The following EPB41L4B variants were observed in gnomAD, a reference collection of about 807,000 sequenced individuals.
The protein encoded by EPB41L4B is erythrocyte membrane protein band 4.1 like 4B.
Under a neutral mutation model 112.5 loss-of-function variants are expected in EPB41L4B, and 30 were observed. The observed-to-expected ratio is 0.27, with a 90% CI of 0.20 to 0.36. The LOEUF (loss-of-function observed/expected upper bound fraction) is 0.36, where lower values mean the gene tolerates loss of function less well. Among genes scored for constraint, EPB41L4B ranks in the 10% least tolerant of loss-of-function variants. The probability of loss-of-function intolerance (pLI) is 1.00; values close to 1 mark genes in which losing one functional copy is unlikely to be tolerated. For synonymous variants in EPB41L4B, 408 were observed against 439.7 expected, an observed-to-expected ratio of 0.93 and a Z score of 0.90; for missense variants, 1,024 against 1,133.3, an observed-to-expected ratio of 0.90 and a Z score of 1.38.
chr9:109,275,341 T>A (rs571577358), intron 2 of EPB41L4B, among the ~76,000 whole-genome samples: 1 of 152,128 alleles, frequency 6.6e-6, no homozygotes, highest in Non-Finnish European at 1.5e-5. Flanking sequence ...AATAAGCCAA[T>A]AGCCAAGTGA....
At chr9:109,212,406 T>A (rs1833213793) in intron 17 of EPB41L4B, among the ~76,000 whole-genome samples, 2 of 152,128 alleles carry the variant, frequency 1.3e-5, no homozygotes, top group Admixed American at 1.3e-4. Context: ...GTTGATTGAA[T>A]GGCTATCAGA....
chr9:109,215,478 C>T (rs1291990822), intron 16 of EPB41L4B, among the ~76,000 whole-genome samples: 8 of 152,026 alleles, frequency 5.3e-5, no homozygotes, highest in African/African-American at 1.9e-4. Flanking sequence ...CAGGGTTTCA[C>T]CACGTTGGCC....
chr9:109,176,380 C>T (rs376388330), intron 25 of EPB41L4B, among the ~76,000 whole-genome samples, 171 bp downstream of exon 25: 5 of 152,132 alleles, frequency 3.3e-5, no homozygotes, highest in African/African-American at 1.2e-4. Context: ...GCTGGGATTA[C>T]AGATGAGAGC....
chr9:109,199,146 G>A (rs1322995065), intron 20 of EPB41L4B, among the ~76,000 whole-genome samples: 1 of 152,142 alleles, frequency 6.6e-6, no homozygotes, highest in Non-Finnish European at 1.5e-5. Flanking sequence ...CATGTGCCCT[G>A]GTGATTCTGG....
chr9:109,254,381 C>G (rs1373717132), intron 11 of EPB41L4B, among the ~76,000 whole-genome samples: 4 of 151,906 alleles, frequency 2.6e-5, no homozygotes, highest in Admixed American at 6.6e-5. Context: ...TGGTCTTCCC[C>G]CCACCCCGCC....
At chr9:109,191,853 G>A (rs1832470976) in intron 22 of EPB41L4B, among the ~76,000 whole-genome samples, 2 of 152,216 alleles carry the variant, frequency 1.3e-5, no homozygotes, top group Non-Finnish European at 2.9e-5. Flanking sequence ...ATGGAAGATG[G>A]CAGGAGGTGC....
At chr9:109,184,267 T>G (rs1028497679) in intron 23 of EPB41L4B, among the ~76,000 whole-genome samples, 2 of 152,238 alleles carry the variant, frequency 1.3e-5, no homozygotes, top group Admixed American at 1.3e-4. Flanking sequence ...TCACCCAGGC[T>G]GGAGTGCAGT....
chr9:109,273,006 A>G (rs941083068), intron 2 of EPB41L4B, among the ~76,000 whole-genome samples: 3 of 152,078 alleles, frequency 2.0e-5, no homozygotes, highest in South Asian at 2.1e-4. Flanking sequence ...GGACTAGCCT[A>G]AAGTGCCTTC....
At chr9:109,186,398 G>A (rs1832266254) in intron 22 of EPB41L4B, among the ~76,000 whole-genome samples, 1 of 151,846 alleles carries the variant, frequency 6.6e-6, no homozygotes, top group Non-Finnish European at 1.5e-5. Flanking sequence ...TGTTGGCCAG[G>A]CTGGTCTCAA....
intron 22 of EPB41L4B, 69 bp from the exon 23 acceptor site, chr9:109,185,674 G>A (rs1318721352): frequency 1.6e-6 from 2 of 1,232,538 alleles, no homozygotes; most frequent in South Asian, 1.4e-5. Flanking sequence ...AGAGGAGGTA[G>A]GGGAAGGGAA....
In EPB41L4B at chr9:109,268,432, T is replaced by C; in HGVS notation, c.413A>G (p.His138Arg). Residue 138 changes from histidine to arginine, a missense_variant and splice_region_variant, in exon 3 of 26, where the codon CAC becomes CGC. Physicochemically the swap from His to Arg is conservative, Grantham distance 29. Transcript: ENST00000374566. ...LQFLDSAQVAHWLDHAKPIKK... is the reference protein window; with the variant it reads ...LQFLDSAQVARWLDHAKPIKK... ...TATGGGTTTGGCATGATCCAGCCAG[T>C]GCTGAAAGAAAGAAAAAAAGTTTCT... 1 of 1,608,394 alleles carries C rather than the reference T, an allele frequency of 6.2e-7. No homozygotes were observed. Among genetic ancestry groups the C allele is most frequent in the Non-Finnish European group, 8.5e-7 (1 of 1,178,790 alleles).
intron 15 of EPB41L4B, chr9:109,240,255 T>A: frequency 1.0e-6 from 1 of 985,394 alleles, no homozygotes. Flanking sequence ...ATGCAGCACA[T>A]ACACTGAGCA....
At chr9:109,232,062 G>A (rs1014834855) in intron 15 of EPB41L4B, among the ~76,000 whole-genome samples, 2 of 151,418 alleles carry the variant, frequency 1.3e-5, no homozygotes, top group African/African-American at 4.9e-5. Context: ...TGCAATCTCC[G>A]CTCACTGCAA....
chr9:109,316,634 T>C (rs991567341), intron 1 of EPB41L4B, among the ~76,000 whole-genome samples: 1 of 152,210 alleles, frequency 6.6e-6, no homozygotes, highest in Admixed American at 6.5e-5. Flanking sequence ...TGAAGAGGAC[T>C]GGCTCAGGCT....
intron 1 of EPB41L4B, among the ~76,000 whole-genome samples, chr9:109,301,947 T>G (rs1359836517): frequency 6.6e-6 from 1 of 152,188 alleles, no homozygotes; most frequent in African/African-American, 2.4e-5. Flanking sequence ...AGAACCATTT[T>G]TGTCAATAAA....
At chr9:109,227,852 T>A (rs1833836001) in intron 15 of EPB41L4B, among the ~76,000 whole-genome samples, 1 of 152,186 alleles carries the variant, frequency 6.6e-6, no homozygotes, top group African/African-American at 2.4e-5. Context: ...AGTGCTGGGA[T>A]TACAGGTGTG....
intron 15 of EPB41L4B, among the ~76,000 whole-genome samples, chr9:109,236,096 C>T (rs530551170): frequency 6.6e-6 from 1 of 152,326 alleles, no homozygotes; most frequent in East Asian, 1.9e-4. Context: ...CTTCTGCAAA[C>T]TTCCATCTGT....
In EPB41L4B at chr9:109,320,128, C is replaced by T; in HGVS notation, c.306+13G>A. 11 of 1,445,420 alleles carry T rather than the reference C, an allele frequency of 7.6e-6. No homozygotes were observed. The highest frequency in any genetic ancestry group is 1.0e-5 in the Non-Finnish European group (11 of 1,095,026). The allele number at this position is 1,445,420 out of a possible 1,614,324, so 89.5% of individuals were successfully genotyped here. ...GCGAGGTGCCAGTGCCCCAGACTGG[C>T]CCCGTCACTCACCGGCAGGTCCACG... On this transcript the variant is annotated intron_variant, in intron 1 of 25. Transcript: ENST00000374566.
chr9:109,262,140 C>T (rs1456602646), intron 6 of EPB41L4B, among the ~76,000 whole-genome samples: 2 of 152,138 alleles, frequency 1.3e-5, no homozygotes, highest in African/African-American at 4.8e-5. Flanking sequence ...TGCAGGCAGA[C>T]CTCTTACCAT....
Sources: gnomAD v4.1 joint callset for allele counts (sites outside exome capture counted in the v4.1 genomes callset) on GRCh38, gnomAD v4.1.1 for gene constraint, MANE v1.5 for transcripts, NCBI Gene and HGNC (gene_info 2026-07-23, HGNC 2026-07-21) for gene names.